The following C5AR2 variants were observed in gnomAD, a reference collection of about 807,000 sequenced individuals.
The protein encoded by C5AR2 is C5a anaphylatoxin chemotactic receptor 2.
For missense variants in C5AR2, 458 were observed against 467.5 expected, an observed-to-expected ratio of 0.98 and a Z score of 0.19; for synonymous variants, 224 against 216.5, an observed-to-expected ratio of 1.03 and a Z score of -0.30.
intron 1 of C5AR2, among the ~76,000 whole-genome samples, chr19:47,335,228 G>C (rs1256991039): frequency 5.3e-5 from 8 of 151,862 alleles, no homozygotes; most frequent in Admixed American, 5.3e-4. Flanking sequence ...CATTGTTATT[G>C]AATGGCCTTT....
At chr19:47,333,489 C>A (rs1477819721) in intron 1 of C5AR2, among the ~76,000 whole-genome samples, 18 of 151,778 alleles carry the variant, frequency 1.2e-4, no homozygotes, top group Admixed American at 1.2e-3. Context: ...TTCTGGTGAG[C>A]ATATGTGTTC....
In C5AR2 at chr19:47,341,522, GT is replaced by G. The variant is rs772965289; in HGVS notation, c.729del (p.Phe243LeufsTer69). ...CGCTGGGCACAGCCATTGTGGTGGG[GT>G]TTTTTGTCTGCTGGGCACCCTACCA... ...RPLGTAIVVGFFVCWAPYHLL... is the reference protein window; with the variant it reads ...RPLGTAIVVGXFVCWAPYHLL... On this transcript the variant is annotated frameshift_variant, in exon 2 of 2. Coordinates refer to ENST00000595464, the MANE Select transcript of C5AR2 (RefSeq NM_001271749.2). LOFTEE classifies it low-confidence loss of function (END_TRUNC). This position sits in a 1 kb window ranked among gnomAD's most constrained non-coding sequence, Gnocchi z 4.6. 10 of 1,612,244 alleles carry G rather than the reference GT, an allele frequency of 6.2e-6. No individual in the cohort carries two copies. Among genetic ancestry groups the G allele is most frequent in the Non-Finnish European group, 7.6e-6 (9 of 1,179,612 alleles).
Position 47,345,137 on chromosome 19 carries a change from C to T in C5AR2, c.*3324C>T, listed in dbSNP as rs1969101045. The T allele has an allele frequency of 6.5e-6, 1 of 152,870 alleles. No homozygotes were observed. Among genetic ancestry groups the T allele is most frequent in the Non-Finnish European group, 1.5e-5 (1 of 68,634 alleles). 9.5% of individuals were successfully genotyped at this position (152,870 alleles called of 1,614,324 possible). On this transcript the variant is annotated 3_prime_UTR_variant, in exon 2 of 2. Transcript: ENST00000595464. ...GCCCATAGGTCTCAGCCTTATTTCA[C>T]CCAGCTCCTGTTCAAGATGGAGTCA...
rs1016006417 is a variant in C5AR2 at position 47,344,326 on chromosome 19, G to T, written c.*2513G>T. ...CTCATCACTGCACTCTAGCCTAGGT[G>T]ACGGAGCGGGACCCTGCCGCTAAAT... On this transcript the variant is annotated 3_prime_UTR_variant, in exon 2 of 2. Coordinates refer to ENST00000595464, the MANE Select transcript of C5AR2 (RefSeq NM_001271749.2). 2.0e-5 allele frequency: 3 copies of T among 152,228 alleles called. No homozygotes were observed. Among genetic ancestry groups the T allele is most frequent in the African/African-American group, 7.2e-5 (3 of 41,426 alleles). The allele number at this position is 152,228 out of a possible 1,614,324, so 9.4% of individuals were successfully genotyped here.
Position 47,341,506 on chromosome 19 carries a change from C to T in C5AR2, c.707C>T (p.Thr236Ile), listed in dbSNP as rs761736264. The T allele has an allele frequency of 1.9e-6, 3 of 1,612,086 alleles. No homozygotes were observed. Among genetic ancestry groups the T allele is most frequent in the South Asian group, 1.1e-5 (1 of 91,040 alleles). ...WAARRCRPLG[T>I]AIVVGFFVCW... ...GCCCGACGCTGCCGGCCGCTGGGCA[C>T]AGCCATTGTGGTGGGGTTTTTTGTC... Residue 236 changes from threonine (T) to isoleucine (I), a missense_variant, in exon 2 of 2, where the codon ACA becomes ATA. By Grantham distance (89) the Thr-to-Ile change is moderately conservative. Coordinates refer to ENST00000595464, the MANE Select transcript of C5AR2 (RefSeq NM_001271749.2). The surrounding 1 kb of genome is among the most constrained non-coding windows in gnomAD (Gnocchi z 4.6).
chr19:47,337,617 G>A (rs1052742640), intron 1 of C5AR2, among the ~76,000 whole-genome samples: 3 of 151,876 alleles, frequency 2.0e-5, no homozygotes, highest in African/African-American at 7.3e-5. Flanking sequence ...AGCCGAGATT[G>A]CGTCACTGCA....
In C5AR2 at chr19:47,342,115, G is replaced by A; in HGVS notation, c.*302G>A. The A allele has an allele frequency of 3.5e-6, 1 of 287,352 alleles. No individual in the cohort carries two copies. 17.8% of individuals were successfully genotyped at this position (287,352 alleles called of 1,614,324 possible). A position where few individuals can be genotyped will look rare whatever the true frequency, so the allele number is the denominator to read the frequency against. On this transcript the variant is annotated 3_prime_UTR_variant, in exon 2 of 2. Transcript: ENST00000595464. ...CACGCCTGTAATTCCAGGGCTTTGG[G>A]AGGCTGAGGCAGGTAGATCACTTGA...
At position 47,341,308 on chromosome 19, in the gene C5AR2, C is replaced by T; in HGVS notation, c.509C>T (p.Ala170Val). The change falls in exon 2 of 2, where the codon GCC (alanine) becomes GTC (valine). Residue 170 changes from alanine (A) to valine (V), a missense_variant. By Grantham distance (64) the Ala-to-Val change is moderately conservative. Transcript: ENST00000595464. This position sits in a 1 kb window ranked among gnomAD's most constrained non-coding sequence, Gnocchi z 4.6. ...TLALLLTVPS[A>V]IYRRLHQEHF... ...GCCTTGCTGCTCACCGTGCCCTCCG[C>T]CATCTACCGCCGGCTGCACCAGGAG... is the stretch of plus-strand genomic sequence containing the variant. 1 of 1,609,722 alleles carries T rather than the reference C, an allele frequency of 6.2e-7. No homozygotes were observed. Among genetic ancestry groups the T allele is most frequent in the Non-Finnish European group, 8.5e-7 (1 of 1,179,872 alleles).
Position 47,343,465 on chromosome 19 carries a change from C to T in C5AR2, c.*1652C>T, listed in dbSNP as rs115739777. 2.0e-5 allele frequency: 3 copies of T among 152,258 alleles called. No individual in the cohort carries two copies. The highest frequency in any genetic ancestry group is 7.2e-5 in the African/African-American group (3 of 41,556). 9.4% of individuals were successfully genotyped at this position (152,258 alleles called of 1,614,324 possible). On this transcript the variant is annotated 3_prime_UTR_variant, in exon 2 of 2. Transcript: ENST00000595464. ...CCACTGGCTGGAATGTCCTTCTGAT[C>T]TATGTTGTGCAGTTCAACAATCAAG...
At chr19:47,333,285 G>A (rs976083080) in intron 1 of C5AR2, among the ~76,000 whole-genome samples, 5 of 152,228 alleles carry the variant, frequency 3.3e-5, no homozygotes, top group African/African-American at 4.8e-5. Flanking sequence ...GATTACAGGC[G>A]TGAATCACCG....
In C5AR2 at chr19:47,342,887, G is replaced by C. The variant is rs143883006; in HGVS notation, c.*1074G>C. 1.1e-4 allele frequency: 16 copies of C among 152,164 alleles called. No homozygotes were observed. 9.4% of individuals were successfully genotyped at this position (152,164 alleles called of 1,614,324 possible). ...AGGCCAAGTCCAGGCTCCTTAGCTC[G>C]GCATTCAAGGCTTCTCTCCACCACT... On this transcript the variant is annotated 3_prime_UTR_variant, in exon 2 of 2. Transcript: ENST00000595464.
Position 47,341,298 on chromosome 19 carries a change from G to A in C5AR2, c.499G>A (p.Val167Met), listed in dbSNP as rs765679507. ...AAWTLALLLT[V>M]PSAIYRRLHQ... Reference sequence around the variant, plus strand: ...CTGGACACTGGCCTTGCTGCTCACCGTGCCCTCCGCCATCTACCGCCGGCT... The same window carrying A: ...CTGGACACTGGCCTTGCTGCTCACCATGCCCTCCGCCATCTACCGCCGGCT... The change falls in exon 2 of 2, where the codon GTG (valine) becomes ATG (methionine). Residue 167 changes from valine to methionine, a missense_variant. Coordinates refer to ENST00000595464, the MANE Select transcript of C5AR2 (RefSeq NM_001271749.2). The surrounding 1 kb of genome is among the most constrained non-coding windows in gnomAD (Gnocchi z 4.6). 14 of 1,608,320 alleles carry A rather than the reference G, an allele frequency of 8.7e-6. No individual in the cohort carries two copies. Among genetic ancestry groups the A allele is most frequent in the East Asian group, 4.5e-5 (2 of 44,882 alleles).
intron 1 of C5AR2, among the ~76,000 whole-genome samples, chr19:47,335,338 G>A (rs2059353264): frequency 6.6e-6 from 1 of 152,000 alleles, no homozygotes; most frequent in Admixed American, 6.6e-5. Context: ...ACAGATATCG[G>A]GCACGTTAAG....
Position 47,341,198 on chromosome 19 carries a change from C to A in C5AR2, c.399C>A (p.Cys133Ter). 6.2e-7 allele frequency: 1 copy of A among 1,601,144 alleles called. No individual in the cohort carries two copies. The highest frequency in any genetic ancestry group is 8.5e-7 in the Non-Finnish European group (1 of 1,179,880). Residue 133 changes from cysteine (C) to a stop codon, truncating the protein, a stop_gained, in exon 2 of 2, where the codon TGC becomes TGA. Coordinates refer to ENST00000595464, the MANE Select transcript of C5AR2 (RefSeq NM_001271749.2). LOFTEE classifies it low-confidence loss of function (END_TRUNC). This position sits in a 1 kb window ranked among gnomAD's most constrained non-coding sequence, Gnocchi z 4.6. ...TGGCAGCTCTCAGTGCCGACCTCTG[C>A]TTCCTGGCTCTCGGGCCTGCCTGGT... ...LLLAALSADL[C>*]FLALGPAWWS... is the part of the protein sequence containing the mutation.
chr19:47,338,735 G>T (rs2059369890), intron 1 of C5AR2, among the ~76,000 whole-genome samples: 1 of 150,876 alleles, frequency 6.6e-6, no homozygotes, highest in African/African-American at 2.4e-5. Context: ...CTACTTGGGA[G>T]GGTGAGGTGG....
Position 47,342,132 on chromosome 19 carries a change from A to C in C5AR2, c.*319A>C. ...GGCTTTGGGAGGCTGAGGCAGGTAG[A>C]TCACTTGAGGTCAGGACTTCAAGAC... On this transcript the variant is annotated 3_prime_UTR_variant, in exon 2 of 2. Coordinates refer to ENST00000595464, the MANE Select transcript of C5AR2 (RefSeq NM_001271749.2). 1 of 260,220 alleles carries C rather than the reference A, an allele frequency of 3.8e-6. No individual in the cohort carries two copies. The allele number at this position is 260,220 out of a possible 1,614,324, so 16.1% of individuals were successfully genotyped here.
chr19:47,341,377 C>T lies in C5AR2; in HGVS notation c.578C>T (p.Ser193Phe), dbSNP rs1382348929. ...RLQCVVDYGGSSSTENAVTAI... is the reference protein window; with the variant it reads ...RLQCVVDYGGFSSTENAVTAI... ...CAGTGTGTGGTGGACTACGGCGGCT[C>T]CTCCAGCACCGAGAATGCGGTGACT... The change falls in exon 2 of 2, where the codon TCC (serine) becomes TTC (phenylalanine). Residue 193 changes from serine (S) to phenylalanine (F), a missense_variant. By Grantham distance (155) the Ser-to-Phe change is radical (BLOSUM62 -2). Transcript: ENST00000595464. The surrounding 1 kb of genome is among the most constrained non-coding windows in gnomAD (Gnocchi z 4.6). 2.5e-6 allele frequency: 4 copies of T among 1,612,514 alleles called. No homozygotes were observed. Among genetic ancestry groups the T allele is most frequent in the Non-Finnish European group, 3.4e-6 (4 of 1,179,902 alleles).
chr19:47,343,313 C>T lies in C5AR2; in HGVS notation c.*1500C>T, dbSNP rs11668130. Reference sequence around the variant, plus strand: ...ACTTTTAGACCTCTGATCCGCAGACCTTTAAGAAAATACATTTGTATTGTT... The same window carrying T: ...ACTTTTAGACCTCTGATCCGCAGACTTTTAAGAAAATACATTTGTATTGTT... On this transcript the variant is annotated 3_prime_UTR_variant, in exon 2 of 2. Coordinates refer to ENST00000595464, the MANE Select transcript of C5AR2 (RefSeq NM_001271749.2). The T allele has an allele frequency of 0.077, 11,791 of 152,202 alleles. 476 individuals are homozygous for T. Among genetic ancestry groups the T allele is most frequent in the East Asian group, 0.11 (546 of 5,174 alleles). The allele number at this position is 152,202 out of a possible 1,614,324, so 9.4% of individuals were successfully genotyped here. A position where few individuals can be genotyped will look rare whatever the true frequency, so the allele number is the denominator to read the frequency against.
intron 1 of C5AR2, among the ~76,000 whole-genome samples, chr19:47,338,656 A>AAATAATAAAAT (rs141756285): frequency 1.5e-5 from 2 of 131,694 alleles, no homozygotes; most frequent in Non-Finnish European, 3.1e-5. Context: ...ATGACCTCCA[A>AAATAATAAAAT]AATAATAATA....
Sources: gnomAD v4.1 joint callset for allele counts (sites outside exome capture counted in the v4.1 genomes callset) on GRCh38, gnomAD v4.1.1 for gene constraint, Gnocchi (gnomAD v3.1) non-coding constraint, MANE v1.5 for transcripts, NCBI Gene and HGNC (gene_info 2026-07-23, HGNC 2026-07-21) for gene names.